Variants in HCN1 observed in about 807,000 individuals in gnomAD.
HCN1 encodes potassium/sodium hyperpolarization-activated cyclic nucleotide-gated channel 1.
Under a neutral mutation model 78.9 loss-of-function variants are expected in HCN1, and 13 were observed. That is an observed-to-expected ratio of 0.16 (90% CI 0.11 to 0.26). The LOEUF (loss-of-function observed/expected upper bound fraction) is 0.26. Among genes scored for constraint, HCN1 ranks in the 10% least tolerant of loss-of-function variants. HCN1 has a pLI of 1.00. For missense variants in HCN1, 810 were observed against 1,154.3 expected (o/e 0.70, Z 4.32); for synonymous variants, 552 against 455.5 (o/e 1.21, Z -2.70).
chr5:45,631,070 A>C (rs1294009978), intron 2 of HCN1, among the ~76,000 whole-genome samples: 10 of 152,258 alleles, frequency 6.6e-5, no homozygotes, highest in Non-Finnish European at 1.2e-4. Flanking sequence ...ATGAGAGAAA[A>C]ACAAAGAGAT....
intron 1 of HCN1, among the ~76,000 whole-genome samples, chr5:45,670,498 G>A (rs1453814247): frequency 6.6e-6 from 1 of 151,580 alleles, no homozygotes; most frequent in Non-Finnish European, 1.5e-5. Context: ...CCAAGCTGGA[G>A]GTCATTAAGA....
chr5:45,373,955 A>C (rs1430656556), intron 4 of HCN1, among the ~76,000 whole-genome samples: 3 of 126,276 alleles, frequency 2.4e-5, no homozygotes, highest in Non-Finnish European at 4.9e-5. Flanking sequence ...TATACATCAT[A>C]TATAATATAT....
chr5:45,264,570 C>T (rs541319118), intron 7 of HCN1, among the ~76,000 whole-genome samples: 1 of 152,190 alleles, frequency 6.6e-6, no homozygotes, highest in South Asian at 2.1e-4. Flanking sequence ...GTTACCTCTC[C>T]CTACTTACAG....
intron 2 of HCN1, among the ~76,000 whole-genome samples, chr5:45,467,505 T>A (rs183897131): frequency 3.8e-4 from 58 of 152,014 alleles, no homozygotes; most frequent in South Asian, 1.2e-3. Context: ...GAAAAAAAAA[T>A]GTCAACTTCT....
chr5:45,438,576 C>A (rs111320517), intron 3 of HCN1, among the ~76,000 whole-genome samples: 2 of 147,552 alleles, frequency 1.4e-5, no homozygotes, highest in Non-Finnish European at 3.0e-5. Context: ...GGCCACAGAG[C>A]GAGACTCCGT....
Position 45,374,105 on chromosome 5 carries a change from ATT to A in HCN1, c.1231-20861_1231-20860del, listed in dbSNP as rs1330506434. ...TATTACATATATGTATATAATATATATTATATACATAATATATATAATATATA... is the reference window on the plus strand; with the variant it reads ...TATTACATATATGTATATAATATATAATATACATAATATATATAATATATA... On this transcript the variant is annotated intron_variant, in intron 4 of 7. Transcript: ENST00000303230. 2.0e-3 allele frequency among the ~76,000 whole-genome samples: 201 copies of A among 99,850 alleles called. 1 individual carries two copies. The highest frequency in any genetic ancestry group is 7.3e-3 in the African/African-American group (185 of 25,300). 65.5% of individuals were successfully genotyped at this position (99,850 alleles called of 152,430 possible).
In HCN1 at chr5:45,539,299, T is replaced by A. The variant is rs987178734; in HGVS notation, c.850-77292A>T. 2.0e-5 allele frequency among the ~76,000 whole-genome samples: 3 copies of A among 151,780 alleles called. No homozygotes were observed. In the South Asian group the frequency reaches 6.2e-4, roughly 31 times the overall value. On this transcript the variant is annotated intron_variant, in intron 2 of 7. Coordinates refer to ENST00000303230, the MANE Select transcript of HCN1 (RefSeq NM_021072.4). ...CTATTGTTATTTACAAAACTTTTTA[T>A]TTTAAAACTTTAAAATGAGATTATA... is the stretch of plus-strand genomic sequence containing the variant.
chr5:45,522,506 A>T (rs1742635179), intron 2 of HCN1, among the ~76,000 whole-genome samples: 1 of 152,078 alleles, frequency 6.6e-6, no homozygotes, highest in East Asian at 1.9e-4. Context: ...AAGGAAATGT[A>T]ATTTGAAGCA....
At chr5:45,489,005 G>T (rs538418854) in intron 2 of HCN1, among the ~76,000 whole-genome samples, 1 of 152,090 alleles carries the variant, frequency 6.6e-6, no homozygotes, top group East Asian at 1.9e-4. Flanking sequence ...ATCTTGTCCC[G>T]AAATATGAAA....
intron 3 of HCN1, among the ~76,000 whole-genome samples, chr5:45,402,232 G>A (rs1739827981): frequency 6.6e-6 from 1 of 152,118 alleles, no homozygotes; most frequent in Non-Finnish European, 1.5e-5. Context: ...TACAAAACGG[G>A]AAGCCAATGA....
At position 45,376,947 on chromosome 5, in the gene HCN1, C is replaced by T. The variant is rs555920895; in HGVS notation, c.1230+19545G>A. Among the ~76,000 whole-genome samples the T allele has an allele frequency of 1.3e-5, 2 of 151,900 alleles. 1 individual carries two copies. The highest frequency in any genetic ancestry group is 4.1e-4 in the South Asian group (2 of 4,820). ...CCACTGGTCTAGAATAAGAAGAGTG[C>T]AACCAGGTGTTTGTCATGTGAGAAA... On this transcript the variant is annotated intron_variant, in intron 4 of 7. Coordinates refer to ENST00000303230, the MANE Select transcript of HCN1 (RefSeq NM_021072.4).
intron 2 of HCN1, among the ~76,000 whole-genome samples, chr5:45,608,556 A>G (rs113659993): frequency 0.011 from 1,733 of 152,140 alleles, 14 homozygotes; most frequent in Non-Finnish European, 0.018. Context: ...GTGTTAGCAC[A>G]CTTACAAAGA....
intron 2 of HCN1, among the ~76,000 whole-genome samples, chr5:45,510,250 G>C (rs1742386888): frequency 6.6e-6 from 1 of 152,090 alleles, no homozygotes; most frequent in Non-Finnish European, 1.5e-5. Flanking sequence ...TAAGTGTTCA[G>C]ATGAGTCTTC....
chr5:45,509,758 A>G (rs1480645781), intron 2 of HCN1, among the ~76,000 whole-genome samples: 2 of 152,136 alleles, frequency 1.3e-5, no homozygotes, highest in African/African-American at 4.8e-5. Flanking sequence ...TCACTATAAC[A>G]AGATGCAATT....
intron 1 of HCN1, among the ~76,000 whole-genome samples, chr5:45,670,593 C>T (rs1270378329): frequency 6.6e-6 from 1 of 151,716 alleles, no homozygotes; most frequent in African/African-American, 2.4e-5. Flanking sequence ...CATGCCCCTA[C>T]ACTATTTTAA....
Position 45,405,011 on chromosome 5 carries a change from T to C in HCN1, c.1012-8301A>G, listed in dbSNP as rs141956086. Among the ~76,000 whole-genome samples, 902 of 152,242 alleles carry C rather than the reference T, an allele frequency of 5.9e-3. 13 individuals carry two copies. The highest frequency in any genetic ancestry group is 0.019 in the African/African-American group (790 of 41,560). The stretch of plus-strand genomic sequence containing the variant: ...AATATGGCACTCAGAGACTCTGAAG[T>C]GCACAAACCAACTGCTAAAATATTG... On this transcript the variant is annotated intron_variant, in intron 3 of 7. Coordinates refer to ENST00000303230, the MANE Select transcript of HCN1 (RefSeq NM_021072.4).
intron 2 of HCN1, among the ~76,000 whole-genome samples, chr5:45,578,946 G>T (rs993842256): frequency 6.6e-5 from 10 of 151,902 alleles, no homozygotes; most frequent in African/African-American, 2.4e-4. Context: ...CACCTGGATG[G>T]GATTAATCAG....
At chr5:45,509,221 G>A (rs572453033) in intron 2 of HCN1, among the ~76,000 whole-genome samples, 7 of 152,216 alleles carry the variant, frequency 4.6e-5, no homozygotes, top group Admixed American at 3.9e-4. Context: ...GCAGAGCGGA[G>A]AGATTGCCAC....
intron 2 of HCN1, among the ~76,000 whole-genome samples, chr5:45,565,416 C>A (rs1001157844): frequency 2.0e-5 from 3 of 152,112 alleles, no homozygotes; most frequent in Non-Finnish European, 2.9e-5. Context: ...ATAATCATGC[C>A]TGTTCCACCA....
Sources: allele counts gnomAD v4.1 joint callset (sites outside exome capture counted in the v4.1 genomes callset), GRCh38; gene constraint gnomAD v4.1.1; transcripts MANE v1.5; gene names NCBI Gene and HGNC (gene_info 2026-07-23, HGNC 2026-07-21).